The following ROBO2 variants were observed in gnomAD, a reference collection of about 807,000 sequenced individuals.
ROBO2 encodes the protein roundabout guidance receptor 2, also known as roundabout homolog 2.
A neutral mutation model predicts 160.8 loss-of-function variants in ROBO2; 53 were observed. The observed-to-expected ratio is 0.33, with a 90% CI of 0.26 to 0.41. ROBO2 has a LOEUF of 0.41. ROBO2 is among the 10% of genes least tolerant of loss of function. The pLI is 1.00. For missense variants in ROBO2, 1,577 were observed against 1,722.4 expected (o/e 0.92, Z 1.49); for synonymous variants, 664 against 611.7 (o/e 1.09, Z -1.26).
intron 2 of ROBO2, among the ~76,000 whole-genome samples, chr3:76,997,122 A>T (rs2061060238): frequency 6.6e-6 from 1 of 152,152 alleles, no homozygotes; most frequent in South Asian, 2.1e-4. Context: ...TATTTTACAG[A>T]AAGTTTTGTT....
chr3:77,522,790 C>T lies in ROBO2; in HGVS notation c.822C>T (p.Asp274=), dbSNP rs201344460. 325 of 1,608,518 alleles carry T rather than the reference C, an allele frequency of 2.0e-4. No homozygotes were observed. Among genetic ancestry groups the T allele is most frequent in the African/African-American group, 2.3e-4 (17 of 74,548 alleles). Reference sequence around the variant, plus strand: ...TTCTACACAGGTATGACATCAAAGACGATTACACACTAAGAATTAAAAAGA... The same window carrying T: ...TTCTACACAGGTATGACATCAAAGATGATTACACACTAAGAATTAAAAAGA... Residue 274 remains aspartate, a synonymous_variant, in exon 6 of 26, where the codon GAC becomes GAT. Transcript: ENST00000461745.
chr3:76,845,454 G>A (rs568451630), intron 2 of ROBO2, among the ~76,000 whole-genome samples: 19 of 151,680 alleles, frequency 1.3e-4, no homozygotes, highest in African/African-American at 2.9e-4. Flanking sequence ...GTATTTAATC[G>A]AACTGGGGAT....
At chr3:77,283,770 T>A (rs961664947) in intron 2 of ROBO2, among the ~76,000 whole-genome samples, 21 of 152,116 alleles carry the variant, frequency 1.4e-4, no homozygotes, top group African/African-American at 5.1e-4. Context: ...AAGAGTAACT[T>A]TTTTTGCAGA....
chr3:77,610,804 G>C (rs1172372183), intron 21 of ROBO2, among the ~76,000 whole-genome samples: 1 of 127,274 alleles, frequency 7.9e-6, no homozygotes, highest in African/African-American at 2.9e-5. Flanking sequence ...CGAGAAAACA[G>C]GAAATAGCAG....
chr3:77,301,296 A>G (rs112843073), intron 2 of ROBO2, among the ~76,000 whole-genome samples: 1 of 152,140 alleles, frequency 6.6e-6, no homozygotes, highest in African/African-American at 2.4e-5. Flanking sequence ...TATTACTAAT[A>G]TTATTATCAG....
At chr3:77,340,083 T>C (rs2066905498) in intron 2 of ROBO2, among the ~76,000 whole-genome samples, 1 of 152,106 alleles carries the variant, frequency 6.6e-6, no homozygotes, top group South Asian at 2.1e-4. Flanking sequence ...ATTCAAGTAA[T>C]TTTCAAAACT....
At chr3:76,868,201 C>T (rs1403582729) in intron 2 of ROBO2, among the ~76,000 whole-genome samples, 1 of 152,104 alleles carries the variant, frequency 6.6e-6, no homozygotes, top group Non-Finnish European at 1.5e-5. Context: ...TCTCAGCAAC[C>T]TCCCTAATTT....
At chr3:76,114,357 C>T (rs1388622198) in intron 2 of ROBO2, among the ~76,000 whole-genome samples, 1 of 151,868 alleles carries the variant, frequency 6.6e-6, no homozygotes, top group Non-Finnish European at 1.5e-5. Context: ...TGATTCTATC[C>T]AAGAAAGACT....
At chr3:76,898,211 T>C (rs2074958896) in intron 2 of ROBO2, among the ~76,000 whole-genome samples, 1 of 152,132 alleles carries the variant, frequency 6.6e-6, no homozygotes, top group Non-Finnish European at 1.5e-5. Flanking sequence ...CATAAAAGTT[T>C]ATTTTATTTA....
intron 2 of ROBO2, among the ~76,000 whole-genome samples, chr3:76,415,309 G>GA (rs2075710367): frequency 6.6e-6 from 1 of 152,184 alleles, no homozygotes; most frequent in African/African-American, 2.4e-5. Flanking sequence ...AAGGGTAACA[G>GA]AAATTATGTG....
intron 2 of ROBO2, among the ~76,000 whole-genome samples, chr3:76,149,722 AAC>A (rs921013203): frequency 3.8e-5 from 5 of 131,890 alleles, no homozygotes; most frequent in African/African-American, 1.3e-4. Context: ...ATCTGTCTAA[AAC>A]ACACATCTGT....
At chr3:77,175,764 T>C (rs1023184133) in intron 2 of ROBO2, among the ~76,000 whole-genome samples, 1 of 151,934 alleles carries the variant, frequency 6.6e-6, no homozygotes, top group Non-Finnish European at 1.5e-5. Context: ...ACTTAGAAGA[T>C]AAGGAGCTGC....
intron 23 of ROBO2, chr3:77,630,713 G>A (rs1330696161): frequency 6.6e-6 from 1 of 152,092 alleles, no homozygotes; most frequent in Non-Finnish European, 1.5e-5. Context: ...AGAAAGCAAT[G>A]AGGAAGATAG....
chr3:76,688,939 T>C (rs924124395), intron 2 of ROBO2, among the ~76,000 whole-genome samples: 1 of 152,040 alleles, frequency 6.6e-6, no homozygotes, highest in African/African-American at 2.4e-5. Flanking sequence ...TATAATCTCA[T>C]AGGCATAAAG....
chr3:77,637,789 T>G (rs1473186559), intron 24 of ROBO2, among the ~76,000 whole-genome samples: 1 of 152,194 alleles, frequency 6.6e-6, no homozygotes, highest in Non-Finnish European at 1.5e-5. Context: ...ATATAAAATA[T>G]AAATCAACAA....
At chr3:76,364,041 T>C (rs1002508170) in intron 2 of ROBO2, among the ~76,000 whole-genome samples, 3 of 152,030 alleles carry the variant, frequency 2.0e-5, no homozygotes, top group African/African-American at 7.2e-5. Context: ...AATTCAAATT[T>C]TCATCCCTGC....
At chr3:77,502,631 C>T (rs1422884496) in intron 5 of ROBO2, among the ~76,000 whole-genome samples, 1 of 151,954 alleles carries the variant, frequency 6.6e-6, no homozygotes, top group Non-Finnish European at 1.5e-5. Context: ...CTATGGGTGC[C>T]ACATCTGTGG....
intron 2 of ROBO2, among the ~76,000 whole-genome samples, chr3:75,988,614 C>G (rs540001532): frequency 2.0e-5 from 3 of 152,100 alleles, no homozygotes; most frequent in South Asian, 4.1e-4. Flanking sequence ...TAAATGGAAG[C>G]TTTTATAACT....
At chr3:76,055,650 C>T (rs572092453) in intron 2 of ROBO2, among the ~76,000 whole-genome samples, 99 of 152,166 alleles carry the variant, frequency 6.5e-4, no homozygotes, top group Non-Finnish European at 1.2e-3. Context: ...GCTCCATCCA[C>T]ATTGCTGCAA....
Sources: allele counts gnomAD v4.1 joint callset (sites outside exome capture counted in the v4.1 genomes callset), GRCh38; gene constraint gnomAD v4.1.1; transcripts MANE v1.5; gene names NCBI Gene and HGNC (gene_info 2026-07-23, HGNC 2026-07-21).